Variants in TNFAIP2 observed in about 807,000 individuals in gnomAD.
The protein encoded by TNFAIP2 is TNF alpha induced protein 2.
A neutral mutation model predicts 63.5 loss-of-function variants in TNFAIP2; 47 were observed. The ratio of observed to expected loss-of-function variants is 0.74; its 90% CI spans 0.59 to 0.94. The LOEUF is 0.94. Among genes scored for constraint, TNFAIP2 ranks in the 40% least tolerant of loss-of-function variants. The probability of loss-of-function intolerance (pLI) is 0.00; values close to 1 mark genes in which losing one functional copy is unlikely to be tolerated. For synonymous variants in TNFAIP2, 405 were observed against 390.2 expected (o/e 1.04, Z -0.45); for missense variants, 787 against 850.2 (o/e 0.93, Z 0.92).
At chr14:103,122,841 G>C (rs116438665), upstream of TNFAIP2, 8,906 of 455,092 alleles carry the variant, frequency 0.02, 668 homozygotes, top group African/African-American at 0.16. Context: ...AGTGGTGTGA[G>C]CCGGGTCAGC....
rs1293451623 is a variant in TNFAIP2, at chr14:103,135,840, G to A, written c.*480G>A. On this transcript the variant is annotated 3_prime_UTR_variant, in exon 12 of 12. Coordinates refer to ENST00000560869, the MANE Select transcript of TNFAIP2 (RefSeq NM_006291.4). The surrounding 1 kb of genome is among the most constrained non-coding windows in gnomAD (Gnocchi z 7.6). The stretch of plus-strand genomic sequence containing the variant: ...GCCGCCGTGAGCGGGATTCAGCAAT[G>A]GTGGAATGGAAGACAGAACTGGAAG... The A allele has an allele frequency of 1.5e-6, 2 of 1,291,800 alleles. No individual in the cohort carries two copies. The highest frequency in any genetic ancestry group is 1.5e-5 in the African/African-American group (1 of 66,094). 80.0% of individuals were successfully genotyped at this position (1,291,800 alleles called of 1,614,324 possible). A position where few individuals can be genotyped will look rare whatever the true frequency, so the allele number is the denominator to read the frequency against.
intron 8 of TNFAIP2, 69 bp from the exon 9 acceptor site, chr14:103,132,681 C>G: frequency 1.3e-6 from 2 of 1,565,652 alleles, no homozygotes; most frequent in Non-Finnish European, 1.7e-6. Flanking sequence ...GTCTGCGTGT[C>G]TGCGTGTCTG....
chr14:103,122,207 G>A (rs1438999567), upstream of TNFAIP2, among the ~76,000 whole-genome samples: 3 of 152,214 alleles, frequency 2.0e-5, no homozygotes, highest in African/African-American at 7.2e-5. Context: ...GTTCCCCAGA[G>A]ACAGGATGAT....
At chr14:103,122,445 C>T (rs1345470439), upstream of TNFAIP2, among the ~76,000 whole-genome samples, 1 of 152,212 alleles carries the variant, frequency 6.6e-6, no homozygotes, top group African/African-American at 2.4e-5. Flanking sequence ...GGAGGGAAGC[C>T]CCTGCCCAGC....
At position 103,127,548 on chromosome 14, in the gene TNFAIP2, A is replaced by ACCT. The variant is rs755516474; in HGVS notation, c.780_782dup (p.Leu261dup). On this transcript the variant is annotated inframe_insertion, in exon 3 of 12. Transcript: ENST00000560869. This position sits in a 1 kb window ranked among gnomAD's most constrained non-coding sequence, Gnocchi z 5.1. ...AGCTACCACCAGCACTTCGCGGCCC[A>ACCT]CCTGGCCGCCGTGGCGCAGTTCGAG... 38 of 1,585,046 alleles carry ACCT rather than the reference A, an allele frequency of 2.4e-5. No homozygotes were observed. The highest frequency in any genetic ancestry group is 3.2e-5 in the Non-Finnish European group (37 of 1,172,720).
Position 103,126,545 on chromosome 14 carries a change from A to G in TNFAIP2, c.88A>G (p.Lys30Glu), listed in dbSNP as rs571437096. The G allele has an allele frequency of 6.4e-7, 1 of 1,564,826 alleles. No individual in the cohort carries two copies. The highest frequency in any genetic ancestry group is 2.4e-5 in the East Asian group (1 of 42,170). The change falls in exon 2 of 12, where the codon AAG becomes GAG. Residue 30 changes from lysine (K) to glutamate (E), a missense_variant. Physicochemically the swap from Lys to Glu is moderately conservative, Grantham distance 56. This residue lies in a region of TNFAIP2 where 258 missense variants were observed against 228.9 expected (regional missense o/e 1.13). Coordinates refer to ENST00000560869, the MANE Select transcript of TNFAIP2 (RefSeq NM_006291.4). The stretch of plus-strand genomic sequence containing the variant: ...GGAGGAGGAAGAGGCGGCGAAGAAG[A>G]AGAAGGAGAAGAAGAAGAAGTCCAA... ...YREEEEAAKK[K>E]KEKKKKSKGL...
At position 103,133,793 on chromosome 14, in the gene TNFAIP2, C is replaced by T. The variant is rs750906831; in HGVS notation, c.1813C>T (p.Pro605Ser). The stretch of plus-strand genomic sequence containing the variant: ...GGTGGCCACTTATGCCACCTGCTAC[C>T]CTGACTTCAGGTGAGAACCTGGGGC... ...IEVATYATCY[P>S]DFSKGHLSAI... Residue 605 changes from proline (P) to serine (S), a missense_variant, in exon 11 of 12, where the codon CCT (proline) becomes TCT (serine). Physicochemically the swap from Pro to Ser is moderately conservative, Grantham distance 74. Transcript: ENST00000560869. The T allele has an allele frequency of 3.2e-6, 5 of 1,586,418 alleles. No individual in the cohort carries two copies. Among genetic ancestry groups the T allele is most frequent in the South Asian group, 1.1e-5 (1 of 88,190 alleles).
chr14:103,133,785 C>A lies in TNFAIP2; in HGVS notation c.1805C>A (p.Thr602Asn). The A allele has an allele frequency of 6.3e-7, 1 of 1,588,196 alleles. No individual in the cohort carries two copies. Among genetic ancestry groups the A allele is most frequent in the Non-Finnish European group, 8.5e-7 (1 of 1,175,248 alleles). The change falls in exon 11 of 12, where the codon ACC becomes AAC. Residue 602 changes from threonine (T) to asparagine (N), a missense_variant. Around this residue, in one of 3 missense-constraint regions of TNFAIP2, gnomAD observed 523 missense variants for 604.1 expected, o/e 0.87. Transcript: ENST00000560869. ...AAGATTGAGGTGGCCACTTATGCCA[C>A]CTGCTACCCTGACTTCAGGTGAGAA... is the stretch of plus-strand genomic sequence containing the variant. ...AIKIEVATYA[T>N]CYPDFSKGHL...
Position 103,129,742 on chromosome 14 carries a change from A to G in TNFAIP2, c.863A>G (p.Asp288Gly). The G allele has an allele frequency of 6.2e-7, 1 of 1,613,552 alleles. No individual in the cohort carries two copies. The highest frequency in any genetic ancestry group is 8.5e-7 in the Non-Finnish European group (1 of 1,179,600). Residue 288 changes from aspartate (D) to glycine (G), a missense_variant and splice_region_variant, in exon 4 of 12, where the codon GAC becomes GGC. Asp to Gly is a moderately conservative substitution (Grantham distance 94). Around this residue, in one of 3 missense-constraint regions of TNFAIP2, gnomAD observed 523 missense variants for 604.1 expected, o/e 0.87. Coordinates refer to ENST00000560869, the MANE Select transcript of TNFAIP2 (RefSeq NM_006291.4). ...ATGCCAGCCTCCCCTGCCTGCAGTG[A>G]CATCATCAACAGCCCCAAGCTGGTG... ...LLWVQNLYPN[D>G]IINSPKLVGE...
At chr14:103,126,243 G>A (rs2087849218) in intron 1 of TNFAIP2, 67 bp from the exon 2 acceptor site, 1 of 511,644 alleles carries the variant, frequency 2.0e-6, no homozygotes, top group Non-Finnish European at 3.5e-6. Flanking sequence ...CAGCATAGCT[G>A]TGTGTCCAGC....
upstream of TNFAIP2, among the ~76,000 whole-genome samples, chr14:103,121,837 G>A (rs1168899811): frequency 7.1e-6 from 1 of 141,534 alleles, no homozygotes; most frequent in Admixed American, 7.2e-5. Context: ...CCTGGCAGAT[G>A]CAGACTTCCC....
chr14:103,123,407 G>A (rs1218239763), upstream of TNFAIP2: 2 of 152,224 alleles, frequency 1.3e-5, no homozygotes, highest in Admixed American at 1.3e-4. Flanking sequence ...AGGGGCGGGC[G>A]GGGCGGGGCT....
Position 103,129,804 on chromosome 14 carries a change from C to T in TNFAIP2, c.925C>T (p.Pro309Ser), listed in dbSNP as rs765604660. The change falls in exon 4 of 12, where the codon CCC becomes TCC. Residue 309 changes from proline to serine, a missense_variant. By Grantham distance (74) the Pro-to-Ser change is moderately conservative. Around this residue, in one of 3 missense-constraint regions of TNFAIP2, gnomAD observed 523 missense variants for 604.1 expected, o/e 0.87. Coordinates refer to ENST00000560869, the MANE Select transcript of TNFAIP2 (RefSeq NM_006291.4). ...LQGMGLGSLL[P>S]PRQIRLLEAT... is the part of the protein sequence containing the mutation. The stretch of plus-strand genomic sequence containing the variant: ...GGGTATGGGGCTCGGGAGCCTCCTG[C>T]CCCCCAGGCAGATCCGACTGCTGGA... 4 of 1,613,974 alleles carry T rather than the reference C, an allele frequency of 2.5e-6. No homozygotes were observed. In the Admixed American group the frequency reaches 6.7e-5, roughly 27 times the overall value.
rs8176395 is a variant in TNFAIP2, at chr14:103,133,930, G to T, written c.1823+127G>T. 1.6e-3 allele frequency: 2,046 copies of T among 1,243,064 alleles called. 32 individuals carry two copies. The African/African-American group carries it at 0.027, about 17-fold the overall frequency. The allele number at this position is 1,243,064 out of a possible 1,614,324, so 77.0% of individuals were successfully genotyped here. ...AGTCACTGTGTGAACCTCACCAGGG[G>T]CTCATTCTTGTGGCCTTCACCACAG... On this transcript the variant is annotated intron_variant, in intron 11 of 11. Coordinates refer to ENST00000560869, the MANE Select transcript of TNFAIP2 (RefSeq NM_006291.4).
Position 103,129,788 on chromosome 14 carries a change from GCTCGGGAGC to G in TNFAIP2, c.913_921del (p.Gly305_Leu307del). 6.2e-7 allele frequency: 1 copy of G among 1,614,022 alleles called. No homozygotes were observed. ...TGGTGGGTGAGCTGCAGGGTATGGG[GCTCGGGAGC>G]CTCCTGCCCCCCAGGCAGATCCGAC... On this transcript the variant is annotated inframe_deletion, in exon 4 of 12. Transcript: ENST00000560869.
intron 6 of TNFAIP2, 96 bp downstream of exon 6, chr14:103,130,511 G>C: frequency 2.6e-6 from 3 of 1,136,962 alleles, no homozygotes; most frequent in Non-Finnish European, 1.3e-6. Context: ...CTGGATCCCC[G>C]CCCTCTACCC....
At chr14:103,129,696 T>C (rs372181596) in intron 3 of TNFAIP2, 44 bp from the exon 4 acceptor site, 6 of 1,569,244 alleles carry the variant, frequency 3.8e-6, no homozygotes, top group Non-Finnish European at 5.3e-6. Flanking sequence ...GTGGTGGTGC[T>C]GATTTGGTAT....
chr14:103,133,188 A>G (rs879134295), intron 9 of TNFAIP2, among the ~76,000 whole-genome samples, 174 bp from the exon 10 acceptor site: 1 of 151,570 alleles, frequency 6.6e-6, no homozygotes, highest in Non-Finnish European at 1.5e-5. Flanking sequence ...GTGAACACAC[A>G]CGCATGTGAA....
At position 103,135,659 on chromosome 14, in the gene TNFAIP2, G is replaced by C; in HGVS notation, c.*299G>C. On this transcript the variant is annotated 3_prime_UTR_variant, in exon 12 of 12. Coordinates refer to ENST00000560869, the MANE Select transcript of TNFAIP2 (RefSeq NM_006291.4). This position sits in a 1 kb window ranked among gnomAD's most constrained non-coding sequence, Gnocchi z 7.6. ...CACGCAAGGAAAGAACCAGGAGGGAGAGTGCAGCCAGGCTCAGGGATCCCC... is the reference window on the plus strand; with the variant it reads ...CACGCAAGGAAAGAACCAGGAGGGACAGTGCAGCCAGGCTCAGGGATCCCC... The C allele has an allele frequency of 7.8e-7, 1 of 1,276,812 alleles. No individual in the cohort carries two copies. The highest frequency in any genetic ancestry group is 3.3e-5 in the Admixed American group (1 of 29,866). 79.1% of individuals were successfully genotyped at this position (1,276,812 alleles called of 1,614,324 possible).
Sources: allele counts gnomAD v4.1 joint callset (sites outside exome capture counted in the v4.1 genomes callset), GRCh38; gene constraint gnomAD v4.1.1; regional missense constraint gnomAD v4.1.1; non-coding constraint Gnocchi (gnomAD v3.1); transcripts MANE v1.5; gene names NCBI Gene and HGNC (gene_info 2026-07-23, HGNC 2026-07-21).